The following SETD1B variants were observed in gnomAD, a reference collection of about 807,000 sequenced individuals.
The protein encoded by SETD1B is SET domain containing 1B, histone lysine methyltransferase, also known as histone-lysine N-methyltransferase SETD1B.
A neutral mutation model predicts 148.0 loss-of-function variants in SETD1B; 7 were observed. The ratio of observed to expected loss-of-function variants is 0.05; its 90% CI spans 0.03 to 0.09. SETD1B has a LOEUF of 0.09. Ranked by LOEUF, SETD1B falls within the 10% of genes least tolerant of loss-of-function variation. The pLI, the probability that SETD1B is intolerant of heterozygous loss-of-function variation, is 1.00. For synonymous variants in SETD1B, 1,361 were observed against 1,186.5 expected (o/e 1.15, Z -3.02); for missense variants, 2,155 against 2,729.9 (o/e 0.79, Z 4.69).
intron 7 of SETD1B, among the ~76,000 whole-genome samples, 161 bp downstream of exon 7, chr12:121,815,091 G>T (rs1160806453): frequency 6.6e-6 from 1 of 152,062 alleles, no homozygotes; most frequent in African/African-American, 2.4e-5. Flanking sequence ...TCCGCAAACT[G>T]TGCTCCACTT....
At chr12:121,799,723 GGGGGGGGTGGGGT>G (rs1365550934), upstream of SETD1B, 1 of 128,826 alleles carries the variant, frequency 7.8e-6, no homozygotes, top group Non-Finnish European at 1.7e-5. Flanking sequence ...CAGCTGGGGG[GGGGGGGGTGGGGT>G]GGGGCGGGGC....
chr12:121,800,927 C>T (rs1875318643), upstream of SETD1B: 1 of 152,116 alleles, frequency 6.6e-6, no homozygotes, highest in Admixed American at 6.5e-5. Flanking sequence ...GAAAGAGAGC[C>T]GCCGCCATTA....
chr12:121,813,536 G>A (rs779011826), intron 6 of SETD1B, among the ~76,000 whole-genome samples: 2 of 152,134 alleles, frequency 1.3e-5, no homozygotes, highest in Non-Finnish European at 2.9e-5. Flanking sequence ...CAGTTTCCTC[G>A]TGGGGCAAAA....
In SETD1B at chr12:121,809,981, T is replaced by G; in HGVS notation, c.1036T>G (p.Phe346Val). The G allele has an allele frequency of 6.4e-7, 1 of 1,550,864 alleles. No individual in the cohort carries two copies. The highest frequency in any genetic ancestry group is 8.7e-7 in the Non-Finnish European group (1 of 1,146,960). The change falls in exon 6 of 17, where the codon TTC becomes GTC. Residue 346 changes from phenylalanine (F) to valine (V), a missense_variant. Coordinates refer to ENST00000604567, the MANE Select transcript of SETD1B (RefSeq NM_001353345.2). The part of the protein sequence containing the change: ...VTAVAGATAA[F>V]RGSSDLPFGA... Reference sequence around the variant, plus strand: ...TGCGGTGGCCGGGGCCACAGCCGCTTTCCGGGGTTCCTCGGACCTCCCGTT... The same window carrying G: ...TGCGGTGGCCGGGGCCACAGCCGCTGTCCGGGGTTCCTCGGACCTCCCGTT...
chr12:121,824,972 CCT>C (rs2137583758), intron 12 of SETD1B, among the ~76,000 whole-genome samples: 1 of 148,172 alleles, frequency 6.7e-6, no homozygotes, highest in East Asian at 2.0e-4. Flanking sequence ...AACAGGAGAC[CCT>C]GTCTCAAAAA....
At chr12:121,797,315 C>G in the SETD1B span, 1 of 401,006 alleles carries the variant, frequency 2.5e-6, no homozygotes, top group Non-Finnish European at 5.0e-6. Context: ...CTTCCGCTGG[C>G]GTGGCCCTCT....
Position 121,808,061 on chromosome 12 carries a change from G to A in SETD1B, c.545-147G>A, listed in dbSNP as rs1282415239. 3 of 598,110 alleles carry A rather than the reference G, an allele frequency of 5.0e-6. No individual in the cohort carries two copies. The East Asian group carries it at 9.0e-5, about 18-fold the overall frequency. 37.1% of individuals were successfully genotyped at this position (598,110 alleles called of 1,614,324 possible). A position where few individuals can be genotyped will look rare whatever the true frequency, so the allele number is the denominator to read the frequency against. On this transcript the variant is annotated intron_variant, in intron 4 of 16. Coordinates refer to ENST00000604567, the MANE Select transcript of SETD1B (RefSeq NM_001353345.2). This position sits in a 1 kb window ranked among gnomAD's most constrained non-coding sequence, Gnocchi z 5.3. ...TGGGGACCCTGAGCGAGGTGCAGAG[G>A]GGTGGGAACTCAGGGCCACACAGCC...
chr12:121,826,918 G>A (rs1160443471), intron 13 of SETD1B, among the ~76,000 whole-genome samples: 1 of 151,946 alleles, frequency 6.6e-6, no homozygotes, highest in Non-Finnish European at 1.5e-5. Flanking sequence ...CTATCACCAC[G>A]AGGCAGCTTG....
At chr12:121,799,763 C>CGG (rs1195006175), upstream of SETD1B, 1 of 133,194 alleles carries the variant, frequency 7.5e-6, no homozygotes, top group Admixed American at 8.3e-5. Flanking sequence ...ACCAGCCCGG[C>CGG]GTGTTTGGGG....
At chr12:121,797,374 C>T in the SETD1B span, 12 of 443,836 alleles carry the variant, frequency 2.7e-5, no homozygotes, top group African/African-American at 1.2e-4. Flanking sequence ...GCCCCGCGTT[C>T]GCTGGGTGAC....
rs185632300 is a variant in SETD1B, at chr12:121,810,405, C to T, written c.1460C>T (p.Ser487Leu). 16 of 1,548,984 alleles carry T rather than the reference C, an allele frequency of 1.0e-5. No individual in the cohort carries two copies. The highest frequency in any genetic ancestry group is 5.9e-5 in the Admixed American group (3 of 51,012). The change falls in exon 6 of 17, where the codon TCG becomes TTG. Residue 487 changes from serine (S) to leucine (L), a missense_variant. Ser to Leu is a moderately radical substitution (Grantham distance 145, BLOSUM62 -2). Transcript: ENST00000604567. This position sits in a 1 kb window ranked among gnomAD's most constrained non-coding sequence, Gnocchi z 7.6. ...AGCCCTGGCACGCCCACGCTGGAGT[C>T]GTCCCCTGCAGGGCCAGAGAAACCC... is the stretch of plus-strand genomic sequence containing the variant. ...CDSPGTPTLE[S>L]SPAGPEKPHD...
In SETD1B at chr12:121,825,354, C is replaced by A. The variant is rs760977188; in HGVS notation, c.5325C>A (p.Pro1775=). The A allele has an allele frequency of 1.3e-6, 2 of 1,550,042 alleles. No homozygotes were observed. The highest frequency in any genetic ancestry group is 1.7e-6 in the Non-Finnish European group (2 of 1,147,020). ...GCCGTGCCAGCACCGATGAGCCCCC[C>A]GCAGACACCCAGGTACTGCCAGGGC... The part of the protein sequence containing the change: ...NSSRASTDEP[P]ADTQGMSIPA... The change falls in exon 13 of 17, where the codon CCC becomes CCA. Residue 1775 remains proline, a synonymous_variant. Transcript: ENST00000604567.
rs1336351191 is a variant in SETD1B, at chr12:121,805,229, C to T, written c.273+13C>T. 1 of 1,542,558 alleles carries T rather than the reference C, an allele frequency of 6.5e-7. No individual in the cohort carries two copies. The highest frequency in any genetic ancestry group is 8.8e-7 in the Non-Finnish European group (1 of 1,140,726). The stretch of plus-strand genomic sequence containing the variant: ...GCCCAAATTCAAGGTAGGACCCCTC[C>T]CCACTGCCCCGCCGTCCCTCCCCCA... On this transcript the variant is annotated intron_variant, in intron 3 of 16. Coordinates refer to ENST00000604567, the MANE Select transcript of SETD1B (RefSeq NM_001353345.2). The surrounding 1 kb of genome is among the most constrained non-coding windows in gnomAD (Gnocchi z 4.2).
Position 121,804,628 on chromosome 12 carries a change from G to C in SETD1B, c.-14-96G>C, listed in dbSNP as rs1194184052. The C allele has an allele frequency of 1.1e-5, 12 of 1,052,996 alleles. No homozygotes were observed. In the Admixed American group the frequency reaches 3.3e-4, roughly 29 times the overall value. 65.2% of individuals were successfully genotyped at this position (1,052,996 alleles called of 1,614,324 possible). ...TCGGGGCGCGCTGGCAAGGTGGGAG[G>C]GGGTGGGGGCCTGCCGATTGGATTC... On this transcript the variant is annotated intron_variant, in intron 1 of 16. Coordinates refer to ENST00000604567, the MANE Select transcript of SETD1B (RefSeq NM_001353345.2). This position sits in a 1 kb window ranked among gnomAD's most constrained non-coding sequence, Gnocchi z 4.6.
At position 121,822,751 on chromosome 12, in the gene SETD1B, G is replaced by A. The variant is rs1299995785; in HGVS notation, c.4172G>A (p.Gly1391Glu). 7 of 1,515,810 alleles carry A rather than the reference G, an allele frequency of 4.6e-6. No homozygotes were observed. The Admixed American group carries it at 1.4e-4, about 31-fold the overall frequency. The allele number at this position is 1,515,810 out of a possible 1,614,324, so 93.9% of individuals were successfully genotyped here. A position where few individuals can be genotyped will look rare whatever the true frequency, so the allele number is the denominator to read the frequency against. ...ATPGGEPPLS[G>E]GSSGLSLSSP... ...CCAGGCGGGGAGCCCCCGCTATCAG[G>A]GGGCAGCAGTGGCCTGTCCCTGAGC... The change falls in exon 12 of 17, where the codon GGG becomes GAG. Residue 1391 changes from glycine (G) to glutamate (E), a missense_variant. By Grantham distance (98) the Gly-to-Glu change is moderately conservative. Around this residue, in one of 11 missense-constraint regions of SETD1B, gnomAD observed 862 missense variants for 873.8 expected, o/e 0.99. Transcript: ENST00000604567.
Position 121,814,920 on chromosome 12 carries a change from G to A in SETD1B, c.2705G>A (p.Arg902Gln), listed in dbSNP as rs530435419. ...GACGAGTGGTGGGACAAGAAGGAGC[G>A]GATGGCCAAGGTGGGTGGGTGGGTG... is the stretch of plus-strand genomic sequence containing the variant. The part of the protein sequence containing the change: ...AFDEWWDKKE[R>Q]MAKASLTPVK... The change falls in exon 7 of 17, where the codon CGG becomes CAG. Residue 902 changes from arginine (R) to glutamine (Q), a missense_variant. Coordinates refer to ENST00000604567, the MANE Select transcript of SETD1B (RefSeq NM_001353345.2). 7.8e-6 allele frequency: 12 copies of A among 1,546,680 alleles called. No homozygotes were observed. The highest frequency in any genetic ancestry group is 5.9e-5 in the Admixed American group (3 of 50,896).
the SETD1B span, among the ~76,000 whole-genome samples, chr12:121,792,724 G>A: frequency 2.0e-5 from 3 of 152,218 alleles, no homozygotes; most frequent in Non-Finnish European, 2.9e-5. Flanking sequence ...CTGCAGCCGG[G>A]AGCATCCCAG....
At chr12:121,807,122 T>G (rs980529992) in intron 4 of SETD1B, among the ~76,000 whole-genome samples, 59 of 152,202 alleles carry the variant, frequency 3.9e-4, no homozygotes, top group African/African-American at 1.4e-3. Context: ...CTTTTCTTTT[T>G]TTGCGTTTAA....
At chr12:121,811,985 G>C (rs1280479679) in intron 6 of SETD1B, among the ~76,000 whole-genome samples, 1 of 152,220 alleles carries the variant, frequency 6.6e-6, no homozygotes, top group Non-Finnish European at 1.5e-5. Context: ...GCTGCCTGGG[G>C]TGAGGAGTGT....
Sources: allele counts gnomAD v4.1 joint callset (sites outside exome capture counted in the v4.1 genomes callset), GRCh38; gene constraint gnomAD v4.1.1; regional missense constraint gnomAD v4.1.1; non-coding constraint Gnocchi (gnomAD v3.1); transcripts MANE v1.5; gene names NCBI Gene and HGNC (gene_info 2026-07-23, HGNC 2026-07-21).